The following GPI variants were observed in gnomAD, a reference collection of about 807,000 sequenced individuals.
The protein encoded by GPI is glucose-6-phosphate isomerase, also known as D-hexose-6-phosphate anomerase.
Under a neutral mutation model 75.8 loss-of-function variants are expected in GPI, and 56 were observed. That is an observed-to-expected ratio of 0.74 (90% CI 0.60 to 0.92). The LOEUF is 0.92. Among genes scored for constraint, GPI ranks in the 40% least tolerant of loss-of-function variants. GPI has a pLI of 0.00. For synonymous variants in GPI, 288 were observed against 285.4 expected (o/e 1.01, Z -0.09); for missense variants, 638 against 741.0 (o/e 0.86, Z 1.61).
chr19:34,373,657 T>G (rs1042814649), intron 4 of GPI, among the ~76,000 whole-genome samples: 2 of 152,184 alleles, frequency 1.3e-5, no homozygotes, highest in Non-Finnish European at 2.9e-5. Context: ...ATTTAGCAAC[T>G]AGAAGCAACA....
intron 4 of GPI, among the ~76,000 whole-genome samples, chr19:34,375,694 A>T (rs918626842): frequency 6.6e-6 from 1 of 152,220 alleles, no homozygotes; most frequent in African/African-American, 2.4e-5. Context: ...CTTCTTTATG[A>T]AACTGTTTGA....
chr19:34,399,667 G>A (rs909791215), intron 16 of GPI, 36 bp downstream of exon 16: 1 of 1,613,644 alleles, frequency 6.2e-7, no homozygotes, highest in East Asian at 2.2e-5. Flanking sequence ...GCTTGGGGTA[G>A]GTTGGAATGG....
chr19:34,381,455 T>C lies in GPI; in HGVS notation c.751-11T>C. ...CTTTGCATTTCTCTCCCTTTGTTTT[T>C]TTTTTTGTAGACCAAAGTGAAGGAG... On this transcript the variant is annotated splice_polypyrimidine_tract_variant and intron_variant, in intron 8 of 17. Transcript: ENST00000356487. The C allele has an allele frequency of 6.9e-6, 11 of 1,594,160 alleles. No homozygotes were observed. Among genetic ancestry groups the C allele is most frequent in the Non-Finnish European group, 8.6e-6 (10 of 1,162,170 alleles).
In GPI at chr19:34,388,294, C is replaced by A. The variant is rs1038904623; in HGVS notation, c.805-4954C>A. Among the ~76,000 whole-genome samples the A allele has an allele frequency of 4.6e-5, 7 of 152,040 alleles. No individual in the cohort carries two copies. In the East Asian group the frequency reaches 1.4e-3, roughly 29 times the overall value. Reference sequence around the variant, plus strand: ...GAGTTTGAGACCAGTCTGGTCAACACGGTGAAACCCCATCTCCTAAAAATA... The same window carrying A: ...GAGTTTGAGACCAGTCTGGTCAACAAGGTGAAACCCCATCTCCTAAAAATA... On this transcript the variant is annotated intron_variant, in intron 9 of 17. Transcript: ENST00000356487.
chr19:34,364,338 A>G (rs2074322779), upstream of GPI, among the ~76,000 whole-genome samples: 1 of 151,056 alleles, frequency 6.6e-6, no homozygotes, highest in African/African-American at 2.4e-5. Flanking sequence ...ATGACTTACA[A>G]GGTCTTACGT....
intron 3 of GPI, among the ~76,000 whole-genome samples, chr19:34,368,362 C>G (rs1246741588): frequency 1.3e-5 from 2 of 152,216 alleles, no homozygotes; most frequent in Admixed American, 6.5e-5. Flanking sequence ...ATATGGGTCC[C>G]CTCCTCTCCT....
chr19:34,390,475 C>G (rs973801590), intron 9 of GPI, among the ~76,000 whole-genome samples: 4 of 151,370 alleles, frequency 2.6e-5, no homozygotes, highest in Admixed American at 2.6e-4. Flanking sequence ...GTATGTGGTG[C>G]TGGAAGAGGT....
At chr19:34,388,685 A>T (rs1277606249) in intron 9 of GPI, among the ~76,000 whole-genome samples, 1 of 152,164 alleles carries the variant, frequency 6.6e-6, no homozygotes, top group Non-Finnish European at 1.5e-5. Context: ...CAGGTCAGAC[A>T]CTGCTTGGCA....
At chr19:34,371,411 ACC>A (rs1376498144) in intron 4 of GPI, among the ~76,000 whole-genome samples, 18 of 152,338 alleles carry the variant, frequency 1.2e-4, no homozygotes, top group African/African-American at 4.1e-4. Context: ...CATCCTGGGC[ACC>A]AATAGGGATT....
chr19:34,390,474 G>T (rs1268403435), intron 9 of GPI, among the ~76,000 whole-genome samples: 5 of 152,014 alleles, frequency 3.3e-5, no homozygotes, highest in Admixed American at 3.3e-4. Flanking sequence ...GGTATGTGGT[G>T]CTGGAAGAGG....
chr19:34,391,424 G>A (rs796323984), intron 9 of GPI, among the ~76,000 whole-genome samples: 4 of 1,546 alleles, frequency 2.6e-3, no homozygotes, highest in East Asian at 0.012. Context: ...GAGGATCTGC[G>A]TCTGTCAAAG....
At chr19:34,396,203 G>C in intron 12 of GPI, 98 bp from the exon 13 acceptor site, 1 of 1,406,444 alleles carries the variant, frequency 7.1e-7, no homozygotes, top group Non-Finnish European at 1.0e-6. Context: ...CTCCCAAAGT[G>C]CTGGAATTAC....
Position 34,396,643 on chromosome 19 carries a change from G to C in GPI, c.1255G>C (p.Gly419Arg). ...PVQTQHPIRKGLHHKILLANF... is the reference protein window; with the variant it reads ...PVQTQHPIRKRLHHKILLANF... ...CCAGACCCAGCACCCCATACGGAAG[G>C]GTCTGCATCACAAGGTAAGAGCCCC... is the stretch of plus-strand genomic sequence containing the variant. The change falls in exon 14 of 18, where the codon GGT becomes CGT. Residue 419 changes from glycine (G) to arginine (R), a missense_variant. Transcript: ENST00000356487. 1 of 1,614,094 alleles carries C rather than the reference G, an allele frequency of 6.2e-7. No homozygotes were observed. Among genetic ancestry groups the C allele is most frequent in the Non-Finnish European group, 8.5e-7 (1 of 1,179,962 alleles).
rs139033380 is a variant in GPI at position 34,382,075 on chromosome 19, C to T, written c.804+556C>T. Among the ~76,000 whole-genome samples, 208 of 152,254 alleles carry T rather than the reference C, an allele frequency of 1.4e-3. 1 individual carries two copies. The highest frequency in any genetic ancestry group is 4.9e-3 in the African/African-American group (204 of 41,558). On this transcript the variant is annotated intron_variant, in intron 9 of 17. Coordinates refer to ENST00000356487, the MANE Select transcript of GPI (RefSeq NM_000175.5). ...TCCATGGGACCACCTCTGCTGGAGC[C>T]GAGCAGTGAGCCACAGCTTTCCTTG...
intron 9 of GPI, among the ~76,000 whole-genome samples, chr19:34,387,572 G>T (rs2074755890): frequency 6.6e-6 from 1 of 151,720 alleles, no homozygotes; most frequent in Non-Finnish European, 1.5e-5. Flanking sequence ...TGAGTCCATG[G>T]ATCCAGGCTC....
At chr19:34,380,449 T>G (rs530276917) in intron 8 of GPI, among the ~76,000 whole-genome samples, 1 of 152,060 alleles carries the variant, frequency 6.6e-6, no homozygotes, top group Admixed American at 6.5e-5. Flanking sequence ...GTCCAGGTAA[T>G]TTTTGTATTT....
rs8191368 is a variant in GPI, at chr19:34,368,844, G to A, written c.402+142G>A. The A allele has an allele frequency of 5.3e-3, 4,837 of 912,374 alleles. 154 individuals carry two copies. The African/African-American group carries it at 0.067, about 13-fold the overall frequency. The allele number at this position is 912,374 out of a possible 1,614,324, so 56.5% of individuals were successfully genotyped here. On this transcript the variant is annotated intron_variant, in intron 4 of 17. Coordinates refer to ENST00000356487, the MANE Select transcript of GPI (RefSeq NM_000175.5). Reference sequence around the variant, plus strand: ...GCAGCTTAAGGGAGGGGTTGCCTGTGTGATCGCTGACCCTGGAGTCTCTGC... The same window carrying A: ...GCAGCTTAAGGGAGGGGTTGCCTGTATGATCGCTGACCCTGGAGTCTCTGC...
chr19:34,390,569 C>T (rs2074807101), intron 9 of GPI, among the ~76,000 whole-genome samples: 1 of 146,632 alleles, frequency 6.8e-6, no homozygotes, highest in South Asian at 2.2e-4. Flanking sequence ...AGTATGAGGC[C>T]CTGGGTCTGC....
At chr19:34,361,854 C>T (rs1238902257), upstream of GPI, among the ~76,000 whole-genome samples, 1 of 151,902 alleles carries the variant, frequency 6.6e-6, no homozygotes, top group Non-Finnish European at 1.5e-5. Context: ...CAGTGGCTCA[C>T]GCCTGTAATC....
Sources: allele counts gnomAD v4.1 joint callset (sites outside exome capture counted in the v4.1 genomes callset), GRCh38; gene constraint gnomAD v4.1.1; transcripts MANE v1.5; gene names NCBI Gene and HGNC (gene_info 2026-07-23, HGNC 2026-07-21).